SLC25A12: variants seen among roughly 807,000 people sequenced by gnomAD.
The protein encoded by SLC25A12 is solute carrier family 25 member 12, also known as electrogenic aspartate/glutamate antiporter SLC25A12, mitochondrial.
Under a neutral mutation model 83.3 loss-of-function variants are expected in SLC25A12, and 32 were observed. The ratio of observed to expected loss-of-function variants is 0.38; its 90% confidence interval spans 0.29 to 0.52. The LOEUF is 0.52. SLC25A12 is among the 20% of genes least tolerant of loss of function. The pLI, the probability that SLC25A12 is intolerant of heterozygous loss-of-function variation, is 0.84. For missense variants in SLC25A12, 611 were observed against 835.6 expected, an observed-to-expected ratio of 0.73 and a Z score of 3.31; for synonymous variants, 267 against 291.1, an observed-to-expected ratio of 0.92 and a Z score of 0.84.
chr2:171,886,502 C>T (rs746950666), intron 2 of SLC25A12, among the ~76,000 whole-genome samples: 2 of 146,462 alleles, frequency 1.4e-5, no homozygotes, highest in African/African-American at 2.5e-5. Flanking sequence ...TAACCTTGTA[C>T]ATATATATTC....
At chr2:171,835,061 G>A (rs1265704443) in intron 6 of SLC25A12, among the ~76,000 whole-genome samples, 196 bp from the exon 7 acceptor site, 1 of 152,154 alleles carries the variant, frequency 6.6e-6, no homozygotes, top group Non-Finnish European at 1.5e-5. Flanking sequence ...ATGTAATTTA[G>A]GTTTTAAGGA....
chr2:171,819,304 TATA>T (rs1427306633), intron 9 of SLC25A12, among the ~76,000 whole-genome samples: 5 of 126,418 alleles, frequency 4.0e-5, no homozygotes, highest in African/African-American at 1.2e-4. Context: ...AATATAGAAT[TATA>T]ATTATATATA....
chr2:171,853,680 C>T (rs62182389), intron 4 of SLC25A12, among the ~76,000 whole-genome samples: 1 of 150,596 alleles, frequency 6.6e-6, no homozygotes, highest in Non-Finnish European at 1.5e-5. Flanking sequence ...GGCTCCACCT[C>T]CAAAAAAAAA....
At chr2:171,831,076 G>A (rs374440821) in intron 8 of SLC25A12, among the ~76,000 whole-genome samples, 5 of 152,232 alleles carry the variant, frequency 3.3e-5, no homozygotes, top group Non-Finnish European at 5.9e-5. Context: ...CTATGTGAAC[G>A]TGAATTTTTA....
Position 171,837,169 on chromosome 2 carries a change from G to A in SLC25A12, c.564C>T (p.Thr188=), listed in dbSNP as rs1041572261. 6.2e-7 allele frequency: 1 copy of A among 1,613,960 alleles called. No homozygotes were observed. ...SGLDFSDIMV[T]IRSHMLTPFV... is the part of the protein sequence containing the mutation. ...AAGGAGTAAGCATGTGAGATCTAAT[G>A]GTAACCATGATGTCACTGAAATCCA... is the stretch of plus-strand genomic sequence containing the variant. Residue 188 remains threonine (T), a synonymous_variant, in exon 6 of 18, where the codon ACC becomes ACT. Transcript: ENST00000422440.
At chr2:171,793,518 CCA>C in intron 14 of SLC25A12, 107 bp downstream of exon 14, 1 of 1,157,040 alleles carries the variant, frequency 8.6e-7, no homozygotes, top group South Asian at 1.2e-5. Flanking sequence ...ATTTTCTGCT[CCA>C]CAGACTACCC....
chr2:171,810,012 C>G (rs1048155173), intron 12 of SLC25A12, among the ~76,000 whole-genome samples: 2 of 152,116 alleles, frequency 1.3e-5, no homozygotes, highest in African/African-American at 4.8e-5. Flanking sequence ...CCACACTTGG[C>G]TAATTTTTAA....
intron 17 of SLC25A12, among the ~76,000 whole-genome samples, chr2:171,787,007 T>A (rs1486014001): frequency 6.6e-6 from 1 of 152,234 alleles, no homozygotes; most frequent in Non-Finnish European, 1.5e-5. Flanking sequence ...CAGTATTTGC[T>A]TATGTGAAAA....
At chr2:171,820,210 C>T (rs1265792068) in intron 9 of SLC25A12, among the ~76,000 whole-genome samples, 1 of 152,058 alleles carries the variant, frequency 6.6e-6, no homozygotes, top group African/African-American at 2.4e-5. Context: ...CACATGTACC[C>T]CCAAACTTAA....
intron 17 of SLC25A12, 37 bp downstream of exon 17, chr2:171,787,534 G>A (rs747472536): frequency 2.1e-6 from 3 of 1,457,550 alleles, no homozygotes; most frequent in African/African-American, 2.8e-5. Context: ...TTTGGACTTA[G>A]TGATTTCTTT....
chr2:171,825,475 A>G (rs995425858), intron 9 of SLC25A12, among the ~76,000 whole-genome samples: 7 of 152,238 alleles, frequency 4.6e-5, no homozygotes, highest in Admixed American at 6.5e-5. Context: ...AAGGTGAACA[A>G]TAACAGCAAG....
At chr2:171,813,239 G>T in intron 11 of SLC25A12, 100 bp downstream of exon 11, 1 of 1,203,926 alleles carries the variant, frequency 8.3e-7, no homozygotes, top group Non-Finnish European at 1.2e-6. Flanking sequence ...ACCTAGTCTG[G>T]CTAGGCATAC....
At chr2:171,827,431 C>G (rs1001074948) in intron 8 of SLC25A12, among the ~76,000 whole-genome samples, 1 of 152,104 alleles carries the variant, frequency 6.6e-6, no homozygotes, top group African/African-American at 2.4e-5. Flanking sequence ...GCCAAGTCTT[C>G]ATTTGCGTAG....
intron 13 of SLC25A12, among the ~76,000 whole-genome samples, chr2:171,797,832 G>A (rs1274567655): frequency 1.3e-5 from 2 of 152,064 alleles, no homozygotes; most frequent in South Asian, 2.1e-4. Flanking sequence ...AAATGTAAAT[G>A]GACATTGCTA....
At chr2:171,791,409 T>C (rs753155695) in intron 15 of SLC25A12, 42 bp downstream of exon 15, 2 of 1,545,780 alleles carry the variant, frequency 1.3e-6, no homozygotes, top group East Asian at 4.5e-5. Flanking sequence ...ACTTTTTAAA[T>C]AATGGGAGAA....
intron 13 of SLC25A12, 55 bp downstream of exon 13, chr2:171,809,551 C>CA: frequency 7.5e-7 from 1 of 1,334,700 alleles, no homozygotes; most frequent in Non-Finnish European, 1.1e-6. Flanking sequence ...TATATCTGTG[C>CA]AAAAAGGTCA....
intron 8 of SLC25A12, among the ~76,000 whole-genome samples, chr2:171,827,592 T>C (rs1289150545): frequency 2.6e-5 from 4 of 152,152 alleles, no homozygotes; most frequent in Non-Finnish European, 5.9e-5. Flanking sequence ...CTCTAATGGG[T>C]ACTTAAACCC....
At chr2:171,870,396 G>C (rs191821254) in intron 2 of SLC25A12, among the ~76,000 whole-genome samples, 1 of 152,204 alleles carries the variant, frequency 6.6e-6, no homozygotes. Context: ...GCCAAGGCGG[G>C]CAACTGCTTG....
chr2:171,826,649 A>G (rs1219015466), intron 9 of SLC25A12, 149 bp downstream of exon 9: 1 of 654,974 alleles, frequency 1.5e-6, no homozygotes, highest in Non-Finnish European at 2.8e-6. Context: ...GGGTAACAGT[A>G]GTTCTATAAA....
Sources: allele counts gnomAD v4.1 joint callset (sites outside exome capture counted in the v4.1 genomes callset), GRCh38; gene constraint gnomAD v4.1.1; transcripts MANE v1.5; gene names NCBI Gene and HGNC (gene_info 2026-07-23, HGNC 2026-07-21).